Variants in UGT1A10 observed in about 807,000 individuals in gnomAD.
UGT1A10 encodes UDP glucuronosyltransferase family 1 member A10, also known as UDP-glucuronosyltransferase 1A10.
UGT1A10 carries 49 observed loss-of-function variants against 45.8 expected under a neutral mutation model. That is an observed-to-expected ratio of 1.07 (90% CI 0.85 to 1.36). The LOEUF (loss-of-function observed/expected upper bound fraction) is 1.36. UGT1A10 is among the 40% of genes most tolerant of loss of function. UGT1A10 has a pLI of 0.00. For synonymous variants in UGT1A10, 284 were observed against 249.7 expected (o/e 1.14, Z -1.29); for missense variants, 745 against 668.6 (o/e 1.11, Z -1.26).
chr2:233,711,830 G>A (rs2076199320), intron 1 of UGT1A10, among the ~76,000 whole-genome samples: 1 of 152,220 alleles, frequency 6.6e-6, no homozygotes, highest in Non-Finnish European at 1.5e-5. Context: ...CCAGGACAAG[G>A]AGGCGTCAGC....
chr2:233,679,981 T>C (rs1446768495), intron 1 of UGT1A10, among the ~76,000 whole-genome samples: 1 of 152,200 alleles, frequency 6.6e-6, no homozygotes, highest in Non-Finnish European at 1.5e-5. Context: ...CAGCAATGTC[T>C]TCATGAATCT....
At chr2:233,679,958 G>T (rs2074468382) in intron 1 of UGT1A10, among the ~76,000 whole-genome samples, 1 of 152,112 alleles carries the variant, frequency 6.6e-6, no homozygotes, top group Non-Finnish European at 1.5e-5. Flanking sequence ...TTTGGCTCCT[G>T]CTGGCATAGC....
At chr2:233,692,901 G>C in intron 1 of UGT1A10, 1 of 1,544,142 alleles carries the variant, frequency 6.5e-7, no homozygotes, top group Non-Finnish European at 8.7e-7. Flanking sequence ...GAGGTAGACA[G>C]GACCTGTGAA....
chr2:233,741,653 G>T (rs1248296818), intron 1 of UGT1A10: 1 of 151,908 alleles, frequency 6.6e-6, no homozygotes, highest in African/African-American at 2.4e-5. Flanking sequence ...CCAGCTGACT[G>T]CCATGTTCCT....
chr2:233,690,739 G>A (rs900509800), intron 1 of UGT1A10: 18 of 1,204,014 alleles, frequency 1.5e-5, no homozygotes, highest in Non-Finnish European at 1.8e-5. Context: ...AGATTCCTCT[G>A]GCTAGTGTCC....
At chr2:233,766,090 G>A (rs1699047199) in intron 1 of UGT1A10, among the ~76,000 whole-genome samples, 1 of 152,166 alleles carries the variant, frequency 6.6e-6, no homozygotes, top group Admixed American at 6.5e-5. Flanking sequence ...CAAGGACAGA[G>A]GGCTTTCTGT....
chr2:233,678,057 A>G (rs556789798), intron 1 of UGT1A10, among the ~76,000 whole-genome samples: 1 of 152,346 alleles, frequency 6.6e-6, no homozygotes, highest in East Asian at 1.9e-4. Context: ...CTAAGGGAAT[A>G]TATACAGGCA....
intron 1 of UGT1A10, among the ~76,000 whole-genome samples, chr2:233,716,580 T>G (rs997790116): frequency 6.6e-6 from 1 of 152,228 alleles, no homozygotes; most frequent in Non-Finnish European, 1.5e-5. Flanking sequence ...AACAATACTT[T>G]CAAAGAGCAA....
chr2:233,743,224 A>G (rs397839834), intron 1 of UGT1A10: 25 of 414,132 alleles, frequency 6.0e-5, no homozygotes, highest in Middle Eastern at 7.1e-4. Context: ...GCTCTTTGCT[A>G]TTTATTATGA....
intron 1 of UGT1A10, chr2:233,760,820 G>A (rs1177412651): frequency 6.2e-7 from 1 of 1,613,432 alleles, no homozygotes; most frequent in Non-Finnish European, 8.5e-7. Context: ...CTGCCATGCA[G>A]CCTGGAATTT....
intron 1 of UGT1A10, chr2:233,719,399 T>C (rs2076762082): frequency 1.2e-6 from 2 of 1,613,992 alleles, no homozygotes; most frequent in Non-Finnish European, 8.5e-7. Context: ...CTTCCTCCTA[T>C]ATTCCTAAGT....
intron 1 of UGT1A10, 75 bp downstream of exon 1, chr2:233,637,452 T>G: frequency 3.3e-6 from 5 of 1,512,750 alleles, no homozygotes; most frequent in Non-Finnish European, 4.4e-6. Context: ...TACTGAACTG[T>G]GATTTGACAT....
chr2:233,657,059 C>T (rs747938165), intron 1 of UGT1A10, among the ~76,000 whole-genome samples: 2 of 152,074 alleles, frequency 1.3e-5, no homozygotes, highest in African/African-American at 2.4e-5. Flanking sequence ...CCCTCACCAG[C>T]TTCTTTCCTT....
intron 1 of UGT1A10, among the ~76,000 whole-genome samples, chr2:233,749,659 C>T (rs1400129008): frequency 6.6e-6 from 1 of 151,752 alleles, no homozygotes. Context: ...AATTGTAATC[C>T]CCATAATCCC....
intron 1 of UGT1A10, chr2:233,719,725 C>A (rs766716310): frequency 3.7e-5 from 59 of 1,613,632 alleles, no homozygotes; most frequent in Non-Finnish European, 4.7e-5. Context: ...ATGTTCCAGG[C>A]AAAACACTTT....
At chr2:233,758,822 C>G (rs1559405165) in intron 1 of UGT1A10, among the ~76,000 whole-genome samples, 1 of 152,138 alleles carries the variant, frequency 6.6e-6, no homozygotes, top group Admixed American at 6.5e-5. Context: ...AGTATATCCC[C>G]CCCAAAAAGA....
intron 1 of UGT1A10, chr2:233,648,160 T>A (rs2073649217): frequency 6.3e-6 from 7 of 1,114,834 alleles, no homozygotes; most frequent in Non-Finnish European, 7.6e-6. Flanking sequence ...ATTTTCTCTA[T>A]TAATGAGTTC....
chr2:233,736,227 C>T (rs757902126), intron 1 of UGT1A10, among the ~76,000 whole-genome samples: 1 of 152,164 alleles, frequency 6.6e-6, no homozygotes, highest in Non-Finnish European at 1.5e-5. Flanking sequence ...TCTTTTTTCT[C>T]TAACCTTGTC....
In UGT1A10 at chr2:233,645,898, T is replaced by G. The variant is rs1361641092; in HGVS notation, c.855+8521T>G. 3.3e-5 allele frequency among the ~76,000 whole-genome samples: 5 copies of G among 152,224 alleles called. No homozygotes were observed. In the East Asian group the frequency reaches 9.6e-4, roughly 29 times the overall value. On this transcript the variant is annotated intron_variant, in intron 1 of 4. Coordinates refer to ENST00000344644, the MANE Select transcript of UGT1A10 (RefSeq NM_019075.4). ...CAGTTCCACTAGGCAGTCCCCCAGT[T>G]GTTGCTCTGTTTGGGGGCTTCAACC...
Sources: allele counts gnomAD v4.1 joint callset (sites outside exome capture counted in the v4.1 genomes callset), GRCh38; gene constraint gnomAD v4.1.1; transcripts MANE v1.5; gene names NCBI Gene and HGNC (gene_info 2026-07-23, HGNC 2026-07-21).